The following KIAA1217 variants were observed in gnomAD, a reference collection of about 807,000 sequenced individuals.
KIAA1217 encodes the protein KIAA1217.
A neutral mutation model predicts 163.9 loss-of-function variants in KIAA1217; 88 were observed. The ratio of observed to expected loss-of-function variants is 0.54; its 90% CI spans 0.45 to 0.64. The LOEUF (loss-of-function observed/expected upper bound fraction) is 0.64, where lower values mean the gene tolerates loss of function less well. Ranked by LOEUF, KIAA1217 falls within the 30% of genes least tolerant of loss-of-function variation. The pLI, the probability that KIAA1217 is intolerant of heterozygous loss-of-function variation, is 0.00. For missense variants in KIAA1217, 2,372 were observed against 2,475.0 expected (o/e 0.96, Z 0.88); for synonymous variants, 903 against 923.1 (o/e 0.98, Z 0.39).
chr10:23,919,637 T>C (rs995877010), intron 1 of KIAA1217, among the ~76,000 whole-genome samples: 6 of 145,448 alleles, frequency 4.1e-5, no homozygotes, highest in African/African-American at 1.3e-4. Context: ...AAAAAGGCTC[T>C]GCAGATTCAT....
intron 1 of KIAA1217, among the ~76,000 whole-genome samples, chr10:23,796,770 C>T (rs1836228229): frequency 6.6e-6 from 1 of 152,094 alleles, no homozygotes; most frequent in Non-Finnish European, 1.5e-5. Flanking sequence ...CCACTAGGAC[C>T]TTACACAGGA....
chr10:23,801,319 C>A (rs1023423030), intron 1 of KIAA1217, among the ~76,000 whole-genome samples: 8 of 152,114 alleles, frequency 5.3e-5, no homozygotes, highest in Non-Finnish European at 1.2e-4. Flanking sequence ...ACACTGGGGC[C>A]TGTCGTGGGA....
At chr10:24,283,062 A>G (rs1388229232) in intron 2 of KIAA1217, among the ~76,000 whole-genome samples, 1 of 151,098 alleles carries the variant, frequency 6.6e-6, no homozygotes, top group African/African-American at 2.4e-5. Context: ...TGAACTCCCA[A>G]CCTCAGGTGA....
chr10:24,509,246 G>A (rs1470139575), intron 9 of KIAA1217, among the ~76,000 whole-genome samples: 1 of 152,152 alleles, frequency 6.6e-6, no homozygotes, highest in East Asian at 1.9e-4. Context: ...TGGAGACAGT[G>A]GCAAGAACAC....
chr10:23,912,307 A>C (rs367702293), intron 1 of KIAA1217, among the ~76,000 whole-genome samples: 4 of 152,262 alleles, frequency 2.6e-5, no homozygotes, highest in South Asian at 4.1e-4. Flanking sequence ...GGGAGGCTCA[A>C]AGGTAAATGT....
chr10:24,250,497 A>ATC (rs1340985330), intron 2 of KIAA1217, among the ~76,000 whole-genome samples: 2 of 151,204 alleles, frequency 1.3e-5, no homozygotes, highest in Admixed American at 6.6e-5. Flanking sequence ...CAGTGGCGCA[A>ATC]TCTCGGCTCA....
At chr10:24,010,343 C>A (rs376329592) in intron 2 of KIAA1217, among the ~76,000 whole-genome samples, 1 of 152,098 alleles carries the variant, frequency 6.6e-6, no homozygotes, top group Admixed American at 6.6e-5. Flanking sequence ...GATTGGAAAA[C>A]TACAATGCTC....
intron 1 of KIAA1217, among the ~76,000 whole-genome samples, chr10:23,897,098 G>A (rs928517189): frequency 6.6e-6 from 1 of 152,040 alleles, no homozygotes; most frequent in African/African-American, 2.4e-5. Flanking sequence ...CGTTCATATA[G>A]TTAAACTTGT....
intron 2 of KIAA1217, among the ~76,000 whole-genome samples, chr10:24,288,556 A>G (rs1461805001): frequency 6.6e-6 from 1 of 152,214 alleles, no homozygotes; most frequent in Non-Finnish European, 1.5e-5. Context: ...CAGAATTGCT[A>G]TATAGGATGT....
At chr10:23,944,827 G>A (rs1446374606) in intron 1 of KIAA1217, among the ~76,000 whole-genome samples, 1 of 152,164 alleles carries the variant, frequency 6.6e-6, no homozygotes, top group Non-Finnish European at 1.5e-5. Flanking sequence ...GGGAGGCCAA[G>A]GTGGGTGGAT....
At chr10:23,792,228 A>C (rs1029167467) in intron 1 of KIAA1217, among the ~76,000 whole-genome samples, 1 of 152,232 alleles carries the variant, frequency 6.6e-6, no homozygotes, top group Non-Finnish European at 1.5e-5. Context: ...TGCCATAGCT[A>C]TTCCAGAATG....
intron 1 of KIAA1217, among the ~76,000 whole-genome samples, chr10:23,847,267 AT>A (rs1453795735): frequency 1.3e-5 from 2 of 152,028 alleles, no homozygotes; most frequent in African/African-American, 4.8e-5. Flanking sequence ...GTTAGGGAGG[AT>A]CTCCTCTTTT....
chr10:24,355,726 C>A (rs2134107086), intron 2 of KIAA1217, among the ~76,000 whole-genome samples: 1 of 69,282 alleles, frequency 1.4e-5, no homozygotes, highest in African/African-American at 3.9e-5. Flanking sequence ...CAAGTCCTCA[C>A]TCTTTTTTTT....
intron 9 of KIAA1217, among the ~76,000 whole-genome samples, chr10:24,503,544 T>C (rs2067943634): frequency 6.6e-6 from 1 of 152,170 alleles, no homozygotes; most frequent in South Asian, 2.1e-4. Context: ...ATTGGCCCCT[T>C]TAAAGGATAG....
chr10:24,006,469 G>A (rs926083427), intron 1 of KIAA1217, among the ~76,000 whole-genome samples: 3 of 152,074 alleles, frequency 2.0e-5, no homozygotes, highest in Admixed American at 2.0e-4. Context: ...CCAGTTTTCT[G>A]GCATCAAGTA....
intron 2 of KIAA1217, among the ~76,000 whole-genome samples, chr10:24,239,673 ATGTGTG>A (rs150874554): frequency 6.8e-6 from 1 of 147,546 alleles, no homozygotes; most frequent in African/African-American, 2.5e-5. Context: ...TTATTCCCAG[ATGTGTG>A]TGTGTGTGTG....
At chr10:24,226,294 A>G (rs1047323138) in intron 2 of KIAA1217, among the ~76,000 whole-genome samples, 1 of 152,172 alleles carries the variant, frequency 6.6e-6, no homozygotes, top group African/African-American at 2.4e-5. Flanking sequence ...GGGTCAAGCA[A>G]TAGAGCCATA....
At chr10:23,983,642 T>G (rs1359201605) in intron 1 of KIAA1217, among the ~76,000 whole-genome samples, 3 of 152,134 alleles carry the variant, frequency 2.0e-5, no homozygotes, top group Non-Finnish European at 2.9e-5. Context: ...AGGCCCCTCT[T>G]CCAACATTGG....
rs2075773460 is a variant in KIAA1217, at chr10:24,547,691, G to T, written c.*1367G>T. ...TGCCTTGGATGTGGCCTGTTGGCTC[G>T]CTTTCTTCTCTGTGGCTTATCAAGG... On this transcript the variant is annotated 3_prime_UTR_variant, in exon 21 of 21. Transcript: ENST00000376454. The T allele has an allele frequency of 6.6e-6, 1 of 152,130 alleles. No homozygotes were observed. The highest frequency in any genetic ancestry group is 2.4e-5 in the African/African-American group (1 of 41,422). The allele number at this position is 152,130 out of a possible 1,614,324, so 9.4% of individuals were successfully genotyped here.
Sources: gnomAD v4.1 joint callset for allele counts (sites outside exome capture counted in the v4.1 genomes callset) on GRCh38, gnomAD v4.1.1 for gene constraint, MANE v1.5 for transcripts, NCBI Gene and HGNC (gene_info 2026-07-23, HGNC 2026-07-21) for gene names.